Variants in AP3M1 observed in about 807,000 individuals in gnomAD.
The protein encoded by AP3M1 is adaptor related protein complex 3 subunit mu 1.
A neutral mutation model predicts 42.6 loss-of-function variants in AP3M1; 29 were observed. That is an observed-to-expected ratio of 0.68 (90% CI 0.51 to 0.93). AP3M1 has a LOEUF of 0.93. Among genes scored for constraint, AP3M1 ranks in the 40% least tolerant of loss-of-function variants. The pLI is 0.00. For missense variants in AP3M1, 416 were observed against 510.2 expected (o/e 0.82, Z 1.78); for synonymous variants, 178 against 175.3 (o/e 1.02, Z -0.12).
At chr10:74,140,114 C>T (rs1841095919) in intron 1 of AP3M1, among the ~76,000 whole-genome samples, 1 of 152,186 alleles carries the variant, frequency 6.6e-6, no homozygotes, top group African/African-American at 2.4e-5. Flanking sequence ...AGCATCCTTC[C>T]TGGGAGCCAC....
chr10:74,134,031 T>C lies in AP3M1; in HGVS notation c.579A>G (p.Lys193=). 5 of 1,613,788 alleles carry C rather than the reference T, an allele frequency of 3.1e-6. No individual in the cohort carries two copies. Among genetic ancestry groups the C allele is most frequent in the Non-Finnish European group, 4.2e-6 (5 of 1,179,734 alleles). ...AGATGACATGCACACAATTACCTGATTTATCTATAATTGCGTCTATTTCTT... is the reference window on the plus strand; with the variant it reads ...AGATGACATGCACACAATTACCTGACTTATCTATAATTGCGTCTATTTCTT... ...VVEEIDAIID[K]SGSTVFAEIQ... Residue 193 remains lysine (K), a synonymous_variant, in exon 4 of 9, where the codon AAA becomes AAG. Transcript: ENST00000355264.
chr10:74,138,501 A>G (rs1429896756), intron 1 of AP3M1, 119 bp from the exon 2 acceptor site: 1 of 853,878 alleles, frequency 1.2e-6, no homozygotes, highest in African/African-American at 1.7e-5. Context: ...CTGGTTCAAC[A>G]TACAAAAATC....
chr10:74,125,884 A>G (rs182150803), intron 7 of AP3M1, among the ~76,000 whole-genome samples: 7 of 152,346 alleles, frequency 4.6e-5, no homozygotes, highest in African/African-American at 1.7e-4. Context: ...TAGATAGCAG[A>G]GTCAGGCTCT....
intron 1 of AP3M1, among the ~76,000 whole-genome samples, chr10:74,146,106 C>T (rs536848386): frequency 6.6e-6 from 1 of 152,198 alleles, no homozygotes; most frequent in South Asian, 2.1e-4. Context: ...AGATGTAATT[C>T]CTACGATGAT....
chr10:74,141,347 G>A (rs955159702), intron 1 of AP3M1, among the ~76,000 whole-genome samples: 4 of 152,140 alleles, frequency 2.6e-5, no homozygotes, highest in Non-Finnish European at 5.9e-5. Context: ...GATTGCCTGA[G>A]TCCAGGAGTT....
intron 1 of AP3M1, among the ~76,000 whole-genome samples, chr10:74,150,107 C>A (rs1247606355): frequency 6.6e-6 from 1 of 152,176 alleles, no homozygotes; most frequent in East Asian, 1.9e-4. Flanking sequence ...GGGCTTAATT[C>A]TCATAATTTT....
Position 74,133,803 on chromosome 10 carries a change from C to T in AP3M1, c.583+224G>A, listed in dbSNP as rs564359785. Among the ~76,000 whole-genome samples, 232 of 151,708 alleles carry T rather than the reference C, an allele frequency of 1.5e-3. 1 individual carries two copies. The highest frequency in any genetic ancestry group is 5.0e-3 in the African/African-American group (208 of 41,390). The stretch of plus-strand genomic sequence containing the variant: ...CCGAGTAGCTGGGATTACAGGTGCG[C>T]GCCACCATGCCCGGCTAATTTTTTG... On this transcript the variant is annotated intron_variant, in intron 4 of 8. Coordinates refer to ENST00000355264, the MANE Select transcript of AP3M1 (RefSeq NM_012095.6).
intron 4 of AP3M1, among the ~76,000 whole-genome samples, chr10:74,132,744 A>T (rs1405752056): frequency 1.3e-5 from 2 of 151,056 alleles, no homozygotes; most frequent in African/African-American, 4.9e-5. Context: ...AAATAATCAG[A>T]TAGGGGCTTT....
chr10:74,124,391 A>G lies in AP3M1; in HGVS notation c.1145T>C (p.Leu382Pro), dbSNP rs779703722. 1.9e-6 allele frequency: 3 copies of G among 1,606,604 alleles called. No individual in the cohort carries two copies. Among genetic ancestry groups the G allele is most frequent in the Non-Finnish European group, 2.5e-6 (3 of 1,178,142 alleles). The change falls in exon 8 of 9, where the codon CTT becomes CCT. Residue 382 changes from leucine to proline, a missense_variant. By Grantham distance (98) the Leu-to-Pro change is moderately conservative. Coordinates refer to ENST00000355264, the MANE Select transcript of AP3M1 (RefSeq NM_012095.6). ...AACCTTATCCTTACCTGAAATAGCAAGCTGCTGGATCTTAAACTGTATGTT... is the reference window on the plus strand; with the variant it reads ...AACCTTATCCTTACCTGAAATAGCAGGCTGCTGGATCTTAAACTGTATGTT... Reference protein sequence around the residue: ...SLNIQFKIQQLAISGLKVNRL... With the variant: ...SLNIQFKIQQPAISGLKVNRL...
chr10:74,147,253 C>A (rs1255038037), intron 1 of AP3M1, among the ~76,000 whole-genome samples: 1 of 151,746 alleles, frequency 6.6e-6, no homozygotes, highest in African/African-American at 2.4e-5. Context: ...CCACTGCACT[C>A]TAGCCTGGAT....
chr10:74,143,623 CATCTT>C (rs1295113034), intron 1 of AP3M1, among the ~76,000 whole-genome samples: 2 of 152,154 alleles, frequency 1.3e-5, no homozygotes, highest in Non-Finnish European at 2.9e-5. Context: ...CACTTTATCT[CATCTT>C]ATTTTCACAA....
chr10:74,142,693 GT>G (rs887084077), intron 1 of AP3M1, among the ~76,000 whole-genome samples: 27 of 152,242 alleles, frequency 1.8e-4, no homozygotes, highest in Non-Finnish European at 2.6e-4. Context: ...ACTTTATCTA[GT>G]CAGATGCTTT....
chr10:74,129,916 A>G lies in AP3M1; in HGVS notation c.660T>C (p.Leu220=). ...GGAGAATAAAACTTACCATGAAAGAAAGGGAGAGATCAGGCATTCCAGATA... is the reference window on the plus strand; with the variant it reads ...GGAGAATAAAACTTACCATGAAAGAGAGGGAGAGATCAGGCATTCCAGATA... The part of the protein sequence containing the change: ...IKLSGMPDLS[L]SFMNPRLLDD... Residue 220 remains leucine, a synonymous_variant, in exon 5 of 9, where the codon CTT becomes CTC. Transcript: ENST00000355264. 6.2e-7 allele frequency: 1 copy of G among 1,612,532 alleles called. No individual in the cohort carries two copies. Among genetic ancestry groups the G allele is most frequent in the Non-Finnish European group, 8.5e-7 (1 of 1,178,628 alleles).
In AP3M1 at chr10:74,121,959, G is replaced by A. The variant is rs1343254018; in HGVS notation, c.*1851C>T. Reference sequence around the variant, plus strand: ...TAGAAGAGAAGATAGCACAGGAGGAGAACTGGACAGTCCAGGTATAGATTG... The same window carrying A: ...TAGAAGAGAAGATAGCACAGGAGGAAAACTGGACAGTCCAGGTATAGATTG... On this transcript the variant is annotated 3_prime_UTR_variant, in exon 9 of 9. Transcript: ENST00000355264. 1 of 152,214 alleles carries A rather than the reference G, an allele frequency of 6.6e-6. No individual in the cohort carries two copies. The highest frequency in any genetic ancestry group is 2.4e-5 in the African/African-American group (1 of 41,438). The allele number at this position is 152,214 out of a possible 1,614,324, so 9.4% of individuals were successfully genotyped here. A position where few individuals can be genotyped will look rare whatever the true frequency, so the allele number is the denominator to read the frequency against.
chr10:74,137,010 C>T lies in AP3M1; in HGVS notation c.274-207G>A, dbSNP rs557807793. Among the ~76,000 whole-genome samples the T allele has an allele frequency of 9.1e-4, 138 of 152,274 alleles. 4 individuals are homozygous for T. In the South Asian group the frequency reaches 0.028, roughly 31 times the overall value. ...ATCCCAGCAATTTGGGAGGCTGAGG[C>T]GGATGCATCACTTGAGGTCAGGAAT... On this transcript the variant is annotated intron_variant, in intron 2 of 8. Transcript: ENST00000355264.
In AP3M1 at chr10:74,139,903, G is replaced by A. The variant is rs189134400; in HGVS notation, c.-3-1521C>T. Among the ~76,000 whole-genome samples the A allele has an allele frequency of 5.2e-5, 6 of 114,334 alleles. No individual in the cohort carries two copies. The East Asian group carries it at 1.2e-3, about 23-fold the overall frequency. The allele number at this position is 114,334 out of a possible 152,430, so 75.0% of individuals were successfully genotyped here. On this transcript the variant is annotated intron_variant, in intron 1 of 8. Transcript: ENST00000355264. Reference sequence around the variant, plus strand: ...TACTCCAGCCTGGGTGACAGATTGAGACTCCATCTCAAAAAAAAAAAAAAA... The same window carrying A: ...TACTCCAGCCTGGGTGACAGATTGAAACTCCATCTCAAAAAAAAAAAAAAA...
intron 1 of AP3M1, among the ~76,000 whole-genome samples, chr10:74,147,705 A>C (rs1244507035): frequency 6.6e-6 from 1 of 152,166 alleles, no homozygotes; most frequent in African/African-American, 2.4e-5. Flanking sequence ...ATCTTGGTAA[A>C]GGTAGTTTTG....
chr10:74,134,048 C>A lies in AP3M1; in HGVS notation c.562G>T (p.Asp188Tyr), dbSNP rs1840868001. 6.2e-7 allele frequency: 1 copy of A among 1,614,100 alleles called. No homozygotes were observed. Among genetic ancestry groups the A allele is most frequent in the Non-Finnish European group, 8.5e-7 (1 of 1,179,996 alleles). The change falls in exon 4 of 9, where the codon GAC (aspartate) becomes TAC (tyrosine). Residue 188 changes from aspartate to tyrosine, a missense_variant. Asp to Tyr is a radical substitution (Grantham distance 160). Transcript: ENST00000355264. ...EAYFDVVEEI[D>Y]AIIDKSGSTV... ...TTACCTGATTTATCTATAATTGCGT[C>A]TATTTCTTCAACAACATCAAAATAG...
intron 6 of AP3M1, among the ~76,000 whole-genome samples, chr10:74,127,833 G>A (rs895238158): frequency 6.6e-6 from 1 of 152,050 alleles, no homozygotes; most frequent in African/African-American, 2.4e-5. Flanking sequence ...AGGCACGGTG[G>A]CTCACGCCTG....
Sources: allele counts gnomAD v4.1 joint callset (sites outside exome capture counted in the v4.1 genomes callset), GRCh38; gene constraint gnomAD v4.1.1; transcripts MANE v1.5; gene names NCBI Gene and HGNC (gene_info 2026-07-23, HGNC 2026-07-21).